Variants in NKAIN4 observed in about 807,000 individuals in gnomAD.
NKAIN4 encodes sodium/potassium-transporting ATPase subunit beta-1-interacting protein 4.
In NKAIN4, 28 loss-of-function variants were observed where a neutral mutation model predicts 28.8. That is an observed-to-expected ratio of 0.97 (90% CI 0.72 to 1.33). The LOEUF is 1.33. NKAIN4 is among the 40% of genes most tolerant of loss of function. The pLI is 0.00. For synonymous variants in NKAIN4, 122 were observed against 115.6 expected, an observed-to-expected ratio of 1.06 and a Z score of -0.36; for missense variants, 289 against 277.2, an observed-to-expected ratio of 1.04 and a Z score of -0.30.
Position 63,244,659 on chromosome 20 carries a change from G to A in NKAIN4, c.472-575C>T, listed in dbSNP as rs2066823667. On this transcript the variant is annotated intron_variant, in intron 4 of 6. Coordinates refer to ENST00000370316, the MANE Select transcript of NKAIN4 (RefSeq NM_152864.4). The stretch of plus-strand genomic sequence containing the variant: ...GCCTTTGGGGCAGGGGTCAGGCAGG[G>A]AGAGGGGAGGGACTGGGAGTCCAGG... The A allele has an allele frequency of 9.7e-6, 4 of 412,186 alleles. No individual in the cohort carries two copies. In the Admixed American group the frequency reaches 1.0e-4, roughly 10 times the overall value. The allele number at this position is 412,186 out of a possible 1,614,324, so 25.5% of individuals were successfully genotyped here.
At chr20:63,244,994 T>C (rs1485392307) in intron 4 of NKAIN4, among the ~76,000 whole-genome samples, 1 of 152,124 alleles carries the variant, frequency 6.6e-6, no homozygotes, top group African/African-American at 2.4e-5. Flanking sequence ...TCTTCCTCCA[T>C]AGACTTGGCC....
rs749411638 is a variant in NKAIN4 at position 63,244,040 on chromosome 20, C to T, written c.516G>A (p.Thr172=). 23 of 1,613,612 alleles carry T rather than the reference C, an allele frequency of 1.4e-5. No homozygotes were observed. The highest frequency in any genetic ancestry group is 1.3e-4 in the African/African-American group (10 of 74,934). Residue 172 remains threonine (T), a synonymous_variant, in exon 5 of 7, where the codon ACG becomes ACA. Coordinates refer to ENST00000370316, the MANE Select transcript of NKAIN4 (RefSeq NM_152864.4). ...VCGCQVVSVF[T]EEEDSFDFIG... is the part of the protein sequence containing the mutation. The stretch of plus-strand genomic sequence containing the variant: ...CATACTCACAGCTGTCCTCTTCCTC[C>T]GTAAACACGCTGACCACCTGGCAGC...
Position 63,242,157 on chromosome 20 carries a change from T to C in NKAIN4, c.617+382A>G, listed in dbSNP as rs576683864. On this transcript the variant is annotated intron_variant, in intron 6 of 6. Coordinates refer to ENST00000370316, the MANE Select transcript of NKAIN4 (RefSeq NM_152864.4). ...AAGAAACAAGTCTGGTTCTGCCAGA[T>C]AGGAAGCCAGGGCCCCAGCTCCTGC... Among the ~76,000 whole-genome samples, 5 of 152,236 alleles carry C rather than the reference T, an allele frequency of 3.3e-5. No homozygotes were observed. In the South Asian group the frequency reaches 1.0e-3, roughly 32 times the overall value.
At chr20:63,251,763 C>T (rs1026477836) in intron 1 of NKAIN4, among the ~76,000 whole-genome samples, 1 of 152,118 alleles carries the variant, frequency 6.6e-6, no homozygotes, top group East Asian at 1.9e-4. Flanking sequence ...ATGTCTATGA[C>T]CTATATCTAG....
At position 63,245,171 on chromosome 20, in the gene NKAIN4, A is replaced by T. The variant is rs1417114051; in HGVS notation, c.472-1087T>A. Among the ~76,000 whole-genome samples the T allele has an allele frequency of 1.3e-5, 2 of 152,124 alleles. No individual in the cohort carries two copies. Among genetic ancestry groups the T allele is most frequent in the African/African-American group, 4.8e-5 (2 of 41,422 alleles). On this transcript the variant is annotated intron_variant, in intron 4 of 6. Coordinates refer to ENST00000370316, the MANE Select transcript of NKAIN4 (RefSeq NM_152864.4). This position sits in a 1 kb window ranked among gnomAD's most constrained non-coding sequence, Gnocchi z 4.7. ...GAAATCCAGCTCCTTTCTAGGGGTC[A>T]GTCAGGGGCCAGGAGACCTCTCTTA...
chr20:63,254,604 T>C (rs1239586260), upstream of NKAIN4: 1 of 493,688 alleles, frequency 2.0e-6, no homozygotes. Context: ...CAGCCCCGGG[T>C]AACAGCTGCG....
chr20:63,251,121 G>T (rs1415155056), intron 1 of NKAIN4, among the ~76,000 whole-genome samples: 1 of 152,086 alleles, frequency 6.6e-6, no homozygotes, highest in African/African-American at 2.4e-5. Flanking sequence ...CATGTCCACT[G>T]GCCAGGGGGC....
intron 1 of NKAIN4, among the ~76,000 whole-genome samples, chr20:63,253,818 T>A (rs1397881179): frequency 1.4e-5 from 2 of 145,704 alleles, no homozygotes. Context: ...TCCGCGTAGC[T>A]CCACGCCGGG....
intron 6 of NKAIN4, 87 bp downstream of exon 6, chr20:63,242,452 G>A: frequency 1.1e-6 from 1 of 883,242 alleles, no homozygotes; most frequent in East Asian, 2.4e-5. Flanking sequence ...CAGGTGCCTG[G>A]TGAGGCCCCC....
chr20:63,244,942 C>G (rs950459234), intron 4 of NKAIN4, among the ~76,000 whole-genome samples: 2 of 152,236 alleles, frequency 1.3e-5, no homozygotes, highest in Non-Finnish European at 2.9e-5. Flanking sequence ...CACTCAGCAG[C>G]CGGGTGACCC....
At chr20:63,249,599 C>A (rs551936143) in intron 2 of NKAIN4, among the ~76,000 whole-genome samples, 11 of 152,328 alleles carry the variant, frequency 7.2e-5, no homozygotes, top group African/African-American at 2.6e-4. Flanking sequence ...GGGCTTCCGA[C>A]AGTGATTCTG....
chr20:63,254,572 C>G, upstream of NKAIN4: 4 of 657,880 alleles, frequency 6.1e-6, no homozygotes, highest in Non-Finnish European at 8.6e-6. Context: ...CCCCCTCCTC[C>G]CCGCAACCCC....
At chr20:63,246,451 C>T (rs2066859394) in intron 4 of NKAIN4, 1 of 970,146 alleles carries the variant, frequency 1.0e-6, no homozygotes. Context: ...TGGGGCAGCA[C>T]CTTCCTGGCC....
intron 1 of NKAIN4, chr20:63,253,322 G>A: frequency 1.0e-6 from 1 of 985,104 alleles, no homozygotes; most frequent in Non-Finnish European, 1.2e-6. Context: ...CCAGGAAAGC[G>A]CCGGAAGCTC....
At chr20:63,242,039 G>A (rs900774117) in intron 6 of NKAIN4, among the ~76,000 whole-genome samples, 3 of 152,156 alleles carry the variant, frequency 2.0e-5, no homozygotes, top group African/African-American at 7.2e-5. Context: ...GGGGCGGGCT[G>A]TGTGGCAAAA....
intron 6 of NKAIN4, chr20:63,241,802 C>G (rs1423107794): frequency 1.7e-6 from 1 of 600,996 alleles, no homozygotes; most frequent in Admixed American, 2.3e-5. Context: ...GTCCCTGGCT[C>G]AGGGTCTGCG....
chr20:63,245,543 T>G lies in NKAIN4; in HGVS notation c.472-1459A>C, dbSNP rs1274810919. On this transcript the variant is annotated intron_variant, in intron 4 of 6. Transcript: ENST00000370316. This position sits in a 1 kb window ranked among gnomAD's most constrained non-coding sequence, Gnocchi z 4.7. The stretch of plus-strand genomic sequence containing the variant: ...CCATCCTCCTGGCTCCAGCCCCAGG[T>G]CCACCCCAAAGCTCTCCCCTCTCCC... Among the ~76,000 whole-genome samples, 1 of 151,616 alleles carries G rather than the reference T, an allele frequency of 6.6e-6. No individual in the cohort carries two copies. Among genetic ancestry groups the G allele is most frequent in the Admixed American group, 6.6e-5 (1 of 15,236 alleles).
At chr20:63,254,487 C>A, upstream of NKAIN4, 1 of 1,282,886 alleles carries the variant, frequency 7.8e-7, no homozygotes. Context: ...GGGTGCCCCG[C>A]GCTCGGCCCC....
At chr20:63,254,585 GCCCAGC>G (rs1342063341), upstream of NKAIN4, 1 of 598,720 alleles carries the variant, frequency 1.7e-6, no homozygotes, top group East Asian at 3.7e-5. Flanking sequence ...GCAACCCCCG[GCCCAGC>G]CCCAGCCCCG....
Sources: gnomAD v4.1 joint callset for allele counts (sites outside exome capture counted in the v4.1 genomes callset) on GRCh38, gnomAD v4.1.1 for gene constraint, Gnocchi (gnomAD v3.1) non-coding constraint, MANE v1.5 for transcripts, NCBI Gene and HGNC (gene_info 2026-07-23, HGNC 2026-07-21) for gene names.